MYH14: variants seen among roughly 807,000 people sequenced by gnomAD.
MYH14 encodes the protein myosin heavy chain 14.
In MYH14, 123 loss-of-function variants were observed where a neutral mutation model predicts 255.5. The ratio of observed to expected loss-of-function variants is 0.48; its 90% CI spans 0.42 to 0.56. The LOEUF (loss-of-function observed/expected upper bound fraction) is 0.56, where lower values mean the gene tolerates loss of function less well. Ranked by LOEUF, MYH14 falls within the 20% of genes least tolerant of loss-of-function variation. The pLI is 0.00. For missense variants in MYH14, 2,423 were observed against 2,802.3 expected, an observed-to-expected ratio of 0.86 and a Z score of 3.06; for synonymous variants, 1,095 against 1,161.2, an observed-to-expected ratio of 0.94 and a Z score of 1.16.
Position 50,210,680 on chromosome 19 carries a change from C to T in MYH14, c.315C>T (p.Ser105=). The part of the protein sequence containing the change: ...QIQRMNPPKF[S]KAEDMAELTC... The stretch of plus-strand genomic sequence containing the variant: ...AGCGCATGAACCCGCCCAAGTTCAG[C>T]AAGGCCGAGGACATGGCCGAGCTGA... Residue 105 remains serine (S), a synonymous_variant, in exon 2 of 43, where the codon AGC becomes AGT. Coordinates refer to ENST00000642316, the MANE Select transcript of MYH14 (RefSeq NM_001145809.2). 2 of 1,570,600 alleles carry T rather than the reference C, an allele frequency of 1.3e-6. No homozygotes were observed. The highest frequency in any genetic ancestry group is 1.4e-5 in the African/African-American group (1 of 73,532).
At position 50,207,271 on chromosome 19, in the gene MYH14, CAGAGAGAG is replaced by C. The variant is rs764396652; in HGVS notation, c.-3-3056_-3-3049del. On this transcript the variant is annotated intron_variant, in intron 1 of 42. Coordinates refer to ENST00000642316, the MANE Select transcript of MYH14 (RefSeq NM_001145809.2). ...AGAGAGAGAGAAAGAGAGAGAGAGA[CAGAGAGAG>C]AGAGAGAGAGAGAGAGAGAGAGAGA... Among the ~76,000 whole-genome samples the C allele has an allele frequency of 3.2e-3, 244 of 76,826 alleles. 5 individuals are homozygous for C. In the East Asian group the frequency reaches 0.034, roughly 11 times the overall value. 50.4% of individuals were successfully genotyped at this position (76,826 alleles called of 152,430 possible).
intron 10 of MYH14, among the ~76,000 whole-genome samples, chr19:50,238,028 A>C (rs2033736701): frequency 6.6e-6 from 1 of 152,206 alleles, no homozygotes; most frequent in African/African-American, 2.4e-5. Flanking sequence ...CCCAAGGCAG[A>C]AAGCATTTGG....
At chr19:50,256,526 C>G (rs917428022) in intron 17 of MYH14, among the ~76,000 whole-genome samples, 14 of 152,162 alleles carry the variant, frequency 9.2e-5, no homozygotes, top group African/African-American at 3.1e-4. Flanking sequence ...CATGTGCCAC[C>G]ACACCTGGCT....
chr19:50,273,835 C>T (rs1013735863), intron 27 of MYH14, among the ~76,000 whole-genome samples: 1 of 152,074 alleles, frequency 6.6e-6, no homozygotes, highest in Non-Finnish European at 1.5e-5. Flanking sequence ...CGGGCTTTCA[C>T]CATGTTGCCC....
chr19:50,227,034 A>G (rs2033142701), intron 8 of MYH14, 68 bp downstream of exon 8: 3 of 1,514,104 alleles, frequency 2.0e-6, no homozygotes, highest in East Asian at 2.3e-5. Context: ...CTGAGTATGG[A>G]AAGCACCTCC....
At chr19:50,260,761 G>GCACGCACACTCATGCA in intron 20 of MYH14, 46 bp downstream of exon 20, 1 of 1,332,518 alleles carries the variant, frequency 7.5e-7, no homozygotes, top group Non-Finnish European at 1.0e-6. Flanking sequence ...GTGTGTGTGT[G>GCACGCACACTCATGCA]CGTGCATGAG....
At chr19:50,263,009 G>A (rs1330070708) in intron 21 of MYH14, among the ~76,000 whole-genome samples, 8 of 152,024 alleles carry the variant, frequency 5.3e-5, no homozygotes, top group East Asian at 3.9e-4. Context: ...AGAGCAGCCC[G>A]GCCAACATGG....
Position 50,217,700 on chromosome 19 carries a change from G to A in MYH14, c.491G>A (p.Gly164Asp). 6.2e-7 allele frequency: 1 copy of A among 1,613,998 alleles called. No homozygotes were observed. Among genetic ancestry groups the A allele is most frequent in the Non-Finnish European group, 8.5e-7 (1 of 1,179,886 alleles). The change falls in exon 3 of 43, where the codon GGC becomes GAC. Residue 164 changes from glycine to aspartate, a missense_variant. Physicochemically the swap from Gly to Asp is moderately conservative, Grantham distance 94. Around this residue, in one of 3 missense-constraint regions of MYH14, gnomAD observed 238 missense variants for 245.8 expected, o/e 0.97. Coordinates refer to ENST00000642316, the MANE Select transcript of MYH14 (RefSeq NM_001145809.2). ...GAAGCCATTGTGGAGATGTACCGGGGCAAGAAGCGCCACGAGGTGCCACCC... is the reference window on the plus strand; with the variant it reads ...GAAGCCATTGTGGAGATGTACCGGGACAAGAAGCGCCACGAGGTGCCACCC... ...YTEAIVEMYR[G>D]KKRHEVPPHV...
In MYH14 at chr19:50,230,929, G is replaced by C. The variant is rs2033351004; in HGVS notation, c.973+306G>C. On this transcript the variant is annotated intron_variant, in intron 9 of 42. Coordinates refer to ENST00000642316, the MANE Select transcript of MYH14 (RefSeq NM_001145809.2). The surrounding 1 kb of genome is among the most constrained non-coding windows in gnomAD (Gnocchi z 4.7). ...TCCGAAGCTCCGTGGCTTCTCTCTC[G>C]CGCGGCTTCTCCTCACTCCGGCGGG... The C allele has an allele frequency of 5.2e-6, 2 of 383,658 alleles. No individual in the cohort carries two copies. The highest frequency in any genetic ancestry group is 3.2e-5 in the South Asian group (1 of 31,436). The allele number at this position is 383,658 out of a possible 1,614,324, so 23.8% of individuals were successfully genotyped here.
intron 3 of MYH14, among the ~76,000 whole-genome samples, chr19:50,220,011 G>A (rs1043683624): frequency 6.6e-6 from 1 of 152,008 alleles, no homozygotes; most frequent in Non-Finnish European, 1.5e-5. Context: ...GACCAGCCTG[G>A]GCAACATAAC....
chr19:50,290,614 C>T (rs891086072), intron 35 of MYH14, among the ~76,000 whole-genome samples: 8 of 152,136 alleles, frequency 5.3e-5, no homozygotes, highest in African/African-American at 1.9e-4. Context: ...ACTGGGGAAC[C>T]ATGGGAGGGC....
chr19:50,269,924 C>T (rs957038213), intron 24 of MYH14, among the ~76,000 whole-genome samples: 4 of 152,142 alleles, frequency 2.6e-5, no homozygotes, highest in African/African-American at 9.7e-5. Flanking sequence ...AATGTCAAGG[C>T]AGCACATAAA....
chr19:50,309,550 TCTCCCCCTCATCTCTCTCTCTC>T, intron 42 of MYH14, 68 bp from the exon 43 acceptor site: 2 of 845,006 alleles, frequency 2.4e-6, no homozygotes, highest in South Asian at 1.6e-5. Flanking sequence ...TCTCTCTCTC[TCTCCCCCTCATCTCTCTCTCTC>T]CTCCCCCTTT....
At position 50,309,105 on chromosome 19, in the gene MYH14, G is replaced by A. The variant is rs781030522; in HGVS notation, c.5888G>A (p.Arg1963His). The change falls in exon 42 of 43, where the codon CGT (arginine) becomes CAT (histidine). Residue 1963 changes from arginine (R) to histidine (H), a missense_variant. By Grantham distance (29) the Arg-to-His change is conservative. Around this residue, in one of 3 missense-constraint regions of MYH14, gnomAD observed 1,513 missense variants for 1,674.8 expected, o/e 0.90. Coordinates refer to ENST00000642316, the MANE Select transcript of MYH14 (RefSeq NM_001145809.2). ...CAGGCCGGCCGCCGGAGGCTGCAGC[G>A]TGAGCTGGAAGATGTCACAGAGTCG... ...RAQAGRRRLQRELEDVTESAE... is the reference protein window; with the variant it reads ...RAQAGRRRLQHELEDVTESAE... The A allele has an allele frequency of 5.6e-6, 9 of 1,613,796 alleles. No homozygotes were observed. Among genetic ancestry groups the A allele is most frequent in the Admixed American group, 3.3e-5 (2 of 59,990 alleles).
At chr19:50,220,706 C>T (rs2032776804) in intron 3 of MYH14, among the ~76,000 whole-genome samples, 2 of 152,032 alleles carry the variant, frequency 1.3e-5, no homozygotes, top group South Asian at 4.2e-4. Flanking sequence ...GCACATGCCA[C>T]CATGCACAGC....
intron 12 of MYH14, 94 bp downstream of exon 12, chr19:50,247,216 C>A: frequency 1.1e-6 from 1 of 874,714 alleles, no homozygotes; most frequent in Non-Finnish European, 1.8e-6. Context: ...CACCACTCAA[C>A]AGACTTTTGC....
chr19:50,210,473 G>A lies in MYH14; in HGVS notation c.108G>A (p.Ala36=), dbSNP rs1359857470. The change falls in exon 2 of 43, where the codon GCG becomes GCA. Residue 36 remains alanine, a synonymous_variant. Transcript: ENST00000642316. ...TGTTCACGCCCCGCGGGCCCAGCGC[G>A]GGTGGCGGGCCTGGCTCGGGCACCT... The part of the protein sequence containing the change: ...PFLFTPRGPS[A]GGGPGSGTSP... 2 of 1,549,690 alleles carry A rather than the reference G, an allele frequency of 1.3e-6. No homozygotes were observed. Among genetic ancestry groups the A allele is most frequent in the Non-Finnish European group, 1.7e-6 (2 of 1,148,216 alleles).
Position 50,230,783 on chromosome 19 carries a change from G to A in MYH14, c.973+160G>A, listed in dbSNP as rs948741349. On this transcript the variant is annotated intron_variant, in intron 9 of 42. Coordinates refer to ENST00000642316, the MANE Select transcript of MYH14 (RefSeq NM_001145809.2). This position sits in a 1 kb window ranked among gnomAD's most constrained non-coding sequence, Gnocchi z 4.7. ...GCAGCCCCTGCTCTCGCTGCGTAGTGGCGTCTGTCGCACGGTGGGTTCTGC... is the reference window on the plus strand; with the variant it reads ...GCAGCCCCTGCTCTCGCTGCGTAGTAGCGTCTGTCGCACGGTGGGTTCTGC... 2 of 633,862 alleles carry A rather than the reference G, an allele frequency of 3.2e-6. No individual in the cohort carries two copies. Among genetic ancestry groups the A allele is most frequent in the Admixed American group, 5.3e-5 (2 of 37,636 alleles). The allele number at this position is 633,862 out of a possible 1,614,324, so 39.3% of individuals were successfully genotyped here.
intron 8 of MYH14, among the ~76,000 whole-genome samples, chr19:50,227,544 C>T (rs55808701): frequency 0.016 from 2,361 of 152,136 alleles, 53 homozygotes; most frequent in African/African-American, 0.054. Context: ...TTGCACAAAC[C>T]CTTTAGGTCT....
Sources: gnomAD v4.1 joint callset for allele counts (sites outside exome capture counted in the v4.1 genomes callset) on GRCh38, gnomAD v4.1.1 for gene constraint, gnomAD v4.1.1 regional missense constraint, Gnocchi (gnomAD v3.1) non-coding constraint, MANE v1.5 for transcripts, NCBI Gene and HGNC (gene_info 2026-07-23, HGNC 2026-07-21) for gene names.